SNTG2: variants seen among roughly 807,000 people sequenced by gnomAD.
SNTG2 encodes the protein gamma-2-syntrophin.
SNTG2 carries 74 observed loss-of-function variants against 70.9 expected under a neutral mutation model. The observed-to-expected ratio is 1.04, with a 90% CI of 0.86 to 1.27. The LOEUF is 1.27. Ranked by LOEUF, SNTG2 falls within the 50% of genes most tolerant of loss-of-function variation. The pLI, the probability that SNTG2 is intolerant of heterozygous loss-of-function variation, is 0.00. For missense variants in SNTG2, 717 were observed against 690.7 expected (o/e 1.04, Z -0.43); for synonymous variants, 278 against 273.8 (o/e 1.02, Z -0.15).
At chr2:1,179,746 C>T (rs1671733608) in intron 8 of SNTG2, among the ~76,000 whole-genome samples, 1 of 150,322 alleles carries the variant, frequency 6.7e-6, no homozygotes, top group South Asian at 2.1e-4. Context: ...CAAAAAAGAG[C>T]CTGCATCGCC....
At position 1,332,404 on chromosome 2, in the gene SNTG2, G is replaced by A. The variant is rs553843415; in HGVS notation, c.1488+16029G>A. Among the ~76,000 whole-genome samples, 13 of 152,200 alleles carry A rather than the reference G, an allele frequency of 8.5e-5. No homozygotes were observed. In the South Asian group the frequency reaches 1.0e-3, roughly 12 times the overall value. On this transcript the variant is annotated intron_variant, in intron 16 of 16. Coordinates refer to ENST00000308624, the MANE Select transcript of SNTG2 (RefSeq NM_018968.4). ...ACTATTCCAAAAGATAGAGAAAGAC[G>A]GAATCCTCCCTAAACCATTATGTGA...
At chr2:1,254,668 A>G (rs1289837733) in intron 12 of SNTG2, among the ~76,000 whole-genome samples, 1 of 152,258 alleles carries the variant, frequency 6.6e-6, no homozygotes, top group Non-Finnish European at 1.5e-5. Context: ...AAAGGTACCA[A>G]GTTATGGCAT....
intron 1 of SNTG2, among the ~76,000 whole-genome samples, chr2:967,219 C>T (rs1396877211): frequency 1.3e-5 from 2 of 151,758 alleles, no homozygotes; most frequent in African/African-American, 4.8e-5. Context: ...TCTTTTTTTT[C>T]TATTGACCTA....
intron 1 of SNTG2, among the ~76,000 whole-genome samples, chr2:1,083,064 G>A (rs938783164): frequency 1.6e-4 from 25 of 151,968 alleles, no homozygotes; most frequent in Admixed American, 1.1e-3. Flanking sequence ...CTTCCTCCTC[G>A]GCTGTCGTTA....
At chr2:1,229,130 G>A (rs931159454) in intron 9 of SNTG2, among the ~76,000 whole-genome samples, 5 of 152,268 alleles carry the variant, frequency 3.3e-5, no homozygotes, top group African/African-American at 1.2e-4. Context: ...CTTCCACAGT[G>A]TGGAAGGGGA....
chr2:1,030,445 G>A (rs1158223432), intron 1 of SNTG2, among the ~76,000 whole-genome samples: 1 of 152,126 alleles, frequency 6.6e-6, no homozygotes, highest in East Asian at 1.9e-4. Context: ...CACATGGATG[G>A]TACAAACACA....
chr2:1,099,012 A>T (rs1033084359), intron 4 of SNTG2, among the ~76,000 whole-genome samples: 1 of 152,238 alleles, frequency 6.6e-6, no homozygotes, highest in African/African-American at 2.4e-5. Context: ...ATTTCTGGCC[A>T]CACATTCCAC....
intron 6 of SNTG2, among the ~76,000 whole-genome samples, chr2:1,147,970 G>A (rs1390193113): frequency 1.3e-5 from 2 of 152,214 alleles, no homozygotes; most frequent in African/African-American, 4.8e-5. Context: ...ATTACTTGAA[G>A]AATTCATCTG....
intron 9 of SNTG2, among the ~76,000 whole-genome samples, chr2:1,222,143 CTG>C (rs202144628): frequency 6.6e-6 from 1 of 151,802 alleles, no homozygotes; most frequent in African/African-American, 2.4e-5. Flanking sequence ...CTGTCTCTCT[CTG>C]TCTCTGCCTA....
Position 1,173,092 on chromosome 2 carries a change from GGT to G in SNTG2, c.501_502del (p.Ser168ProfsTer17). ...AGGGACTTCTCTTGTTTTGCTGCAG[GGT>G]CCCCAGGGCCATCCAGCGACCACAG... is the stretch of plus-strand genomic sequence containing the variant. On this transcript the variant is annotated frameshift_variant and splice_region_variant, in exon 8 of 17. Transcript: ENST00000308624. LOFTEE classifies it high-confidence loss of function. The G allele has an allele frequency of 6.2e-7, 1 of 1,613,360 alleles. No individual in the cohort carries two copies. The highest frequency in any genetic ancestry group is 8.5e-7 in the Non-Finnish European group (1 of 1,179,646).
chr2:1,229,017 T>C (rs546137425), intron 9 of SNTG2, among the ~76,000 whole-genome samples: 12 of 151,878 alleles, frequency 7.9e-5, no homozygotes, highest in African/African-American at 2.9e-4. Flanking sequence ...GCTTCAGGAG[T>C]GAAGCTGCAG....
intron 4 of SNTG2, among the ~76,000 whole-genome samples, chr2:1,114,027 G>A (rs1427451862): frequency 2.0e-5 from 3 of 151,746 alleles, no homozygotes; most frequent in African/African-American, 7.3e-5. Flanking sequence ...CCTTTGAGGA[G>A]GATCGTGTGT....
At chr2:1,279,195 G>A (rs1040050333) in intron 14 of SNTG2, among the ~76,000 whole-genome samples, 3 of 152,020 alleles carry the variant, frequency 2.0e-5, no homozygotes, top group African/African-American at 7.3e-5. Context: ...CTTAGCAACG[G>A]TCTCTTTGAT....
At chr2:1,300,824 A>G in intron 14 of SNTG2, among the ~76,000 whole-genome samples, 1 of 152,180 alleles carries the variant, frequency 6.6e-6, no homozygotes, top group East Asian at 1.9e-4. Context: ...GTTTTATCAC[A>G]TCCTAATTAC....
intron 1 of SNTG2, among the ~76,000 whole-genome samples, chr2:1,028,395 A>G (rs993579842): frequency 1.6e-4 from 24 of 152,244 alleles, no homozygotes; most frequent in African/African-American, 5.5e-4. Context: ...ATACCTGGGT[A>G]TTCACTGACT....
At chr2:982,392 C>G (rs780502875) in intron 1 of SNTG2, among the ~76,000 whole-genome samples, 8 of 152,174 alleles carry the variant, frequency 5.3e-5, no homozygotes, top group African/African-American at 1.9e-4. Flanking sequence ...TCCCTGCACA[C>G]CCCCTCGGTA....
At chr2:1,289,003 T>A (rs1455087300) in intron 14 of SNTG2, among the ~76,000 whole-genome samples, 1 of 152,146 alleles carries the variant, frequency 6.6e-6, no homozygotes. Context: ...TGTTGATTAC[T>A]GCTCCTTAAT....
rs543543393 is a variant in SNTG2 at position 1,237,377 on chromosome 2, G to T, written c.720-511G>T. Among the ~76,000 whole-genome samples, 20 of 152,292 alleles carry T rather than the reference G, an allele frequency of 1.3e-4. 1 individual carries two copies. The highest frequency in any genetic ancestry group is 9.1e-4 in the Admixed American group (14 of 15,304). On this transcript the variant is annotated intron_variant, in intron 9 of 16. Transcript: ENST00000308624. ...AGAACTACTGAATTTGAGACGGTTGGTTGTTAATACTTTGCCATGATTGAG... is the reference window on the plus strand; with the variant it reads ...AGAACTACTGAATTTGAGACGGTTGTTTGTTAATACTTTGCCATGATTGAG...
At chr2:955,340 C>T (rs968043646) in intron 1 of SNTG2, among the ~76,000 whole-genome samples, 1 of 152,116 alleles carries the variant, frequency 6.6e-6, no homozygotes, top group African/African-American at 2.4e-5. Context: ...ATGATGGCAC[C>T]GAATCGTGTT....
Sources: gnomAD v4.1 joint callset for allele counts (sites outside exome capture counted in the v4.1 genomes callset) on GRCh38, gnomAD v4.1.1 for gene constraint, MANE v1.5 for transcripts, NCBI Gene and HGNC (gene_info 2026-07-23, HGNC 2026-07-21) for gene names.